ERC2: variants seen among roughly 807,000 people sequenced by gnomAD.
ERC2 encodes ELKS/RAB6-interacting/CAST family member 2.
ERC2 carries 42 observed loss-of-function variants against 114.8 expected under a neutral mutation model. That is an observed-to-expected ratio of 0.37 (90% CI 0.29 to 0.47). The LOEUF is 0.47. Ranked by LOEUF, ERC2 falls within the 20% of genes least tolerant of loss-of-function variation. The pLI is 0.99. For synonymous variants in ERC2, 454 were observed against 425.5 expected, an observed-to-expected ratio of 1.07 and a Z score of -0.82; for missense variants, 939 against 1,150.7, an observed-to-expected ratio of 0.82 and a Z score of 2.66.
intron 3 of ERC2, among the ~76,000 whole-genome samples, chr3:56,228,916 G>A (rs2050426833): frequency 6.6e-6 from 1 of 152,122 alleles, no homozygotes; most frequent in African/African-American, 2.4e-5. Context: ...ATGGGGTAGG[G>A]CAGGGAGGGG....
intron 3 of ERC2, among the ~76,000 whole-genome samples, chr3:56,276,079 C>A (rs968147336): frequency 6.6e-6 from 1 of 152,074 alleles, no homozygotes; most frequent in East Asian, 1.9e-4. Flanking sequence ...CTCCATAAAG[C>A]CTGATAGAAA....
chr3:56,166,739 C>A lies in ERC2; in HGVS notation c.1149+6707G>T, dbSNP rs145707526. On this transcript the variant is annotated intron_variant, in intron 4 of 17. Transcript: ENST00000288221. ...AATGTTAATAAGGTTTATAGTGATG[C>A]CCCACTTTCATCCCTGATATTGGTT... is the stretch of plus-strand genomic sequence containing the variant. Among the ~76,000 whole-genome samples the A allele has an allele frequency of 4.6e-5, 7 of 151,838 alleles. No individual in the cohort carries two copies. In the South Asian group the frequency reaches 1.5e-3, roughly 31 times the overall value.
chr3:55,634,375 C>T (rs1365483307), intron 17 of ERC2, among the ~76,000 whole-genome samples: 1 of 152,202 alleles, frequency 6.6e-6, no homozygotes, highest in African/African-American at 2.4e-5. Context: ...CCAGCCTGCT[C>T]TATTTCTACG....
chr3:56,013,666 T>C (rs1330928427), intron 8 of ERC2, among the ~76,000 whole-genome samples: 1 of 152,212 alleles, frequency 6.6e-6, no homozygotes, highest in Admixed American at 6.5e-5. Context: ...TATTTTTATT[T>C]CTGGGCAAAT....
chr3:56,312,986 G>A (rs1487843734), intron 2 of ERC2, among the ~76,000 whole-genome samples: 2 of 67,870 alleles, frequency 2.9e-5, no homozygotes. Flanking sequence ...TTAATATTTA[G>A]TGAATATGTA....
chr3:56,000,740 G>A (rs1411115759), intron 10 of ERC2, among the ~76,000 whole-genome samples: 1 of 151,884 alleles, frequency 6.6e-6, no homozygotes, highest in Admixed American at 6.6e-5. Context: ...AGGAACTATT[G>A]GGATCTTTAC....
At chr3:55,774,275 G>C (rs576626764) in intron 14 of ERC2, among the ~76,000 whole-genome samples, 170 of 152,302 alleles carry the variant, frequency 1.1e-3, no homozygotes, top group African/African-American at 3.6e-3. Context: ...CTCAGGCAGT[G>C]AGGCATTATG....
At chr3:55,961,463 G>T (rs1222670248) in intron 12 of ERC2, among the ~76,000 whole-genome samples, 1 of 152,090 alleles carries the variant, frequency 6.6e-6, no homozygotes, top group Non-Finnish European at 1.5e-5. Flanking sequence ...GTCTTGCCAT[G>T]AACTCACCAC....
intron 17 of ERC2, among the ~76,000 whole-genome samples, chr3:55,573,171 C>A (rs150990159): frequency 6.6e-6 from 1 of 152,172 alleles, no homozygotes; most frequent in African/African-American, 2.4e-5. Context: ...AGAAAGATGT[C>A]GGTAAGAAAT....
At chr3:56,306,489 TA>T (rs1158153914) in intron 2 of ERC2, among the ~76,000 whole-genome samples, 1 of 152,028 alleles carries the variant, frequency 6.6e-6, no homozygotes, top group Non-Finnish European at 1.5e-5. Flanking sequence ...ACGGAAGAAG[TA>T]AAAACAGAGA....
At chr3:55,820,143 G>C (rs2060067132) in intron 14 of ERC2, among the ~76,000 whole-genome samples, 1 of 152,250 alleles carries the variant, frequency 6.6e-6, no homozygotes, top group Admixed American at 6.5e-5. Context: ...TCCACGTGGG[G>C]TCTAGAAGTG....
rs557088337 is a variant in ERC2, at chr3:56,447,400, A to T, written c.-140-12253T>A. On this transcript the variant is annotated intron_variant, in intron 1 of 17. Coordinates refer to ENST00000288221, the MANE Select transcript of ERC2 (RefSeq NM_015576.3). ...ATCCCGCTCGCTCTGGGGCTGTGTAAGCCCGAAGCAGCGGGGAGGAGAGGA... is the reference window on the plus strand; with the variant it reads ...ATCCCGCTCGCTCTGGGGCTGTGTATGCCCGAAGCAGCGGGGAGGAGAGGA... 4.9e-4 allele frequency among the ~76,000 whole-genome samples: 75 copies of T among 152,344 alleles called. 2 individuals carry two copies. In the South Asian group the frequency reaches 0.015, roughly 30 times the overall value.
intron 14 of ERC2, among the ~76,000 whole-genome samples, chr3:55,883,772 C>T (rs1576010431): frequency 6.6e-6 from 1 of 151,976 alleles, no homozygotes; most frequent in African/African-American, 2.4e-5. Context: ...CCTGTAGTCC[C>T]AGCAGCTCGG....
At chr3:55,601,488 C>T (rs1406750707) in intron 17 of ERC2, among the ~76,000 whole-genome samples, 2 of 152,260 alleles carry the variant, frequency 1.3e-5, no homozygotes, top group East Asian at 1.9e-4. Context: ...TCAGCTGCTC[C>T]CTGTCATTTC....
At chr3:55,659,263 A>G (rs2231384) in intron 17 of ERC2, 116,255 of 152,054 alleles carry the variant, frequency 0.76, 45,173 homozygotes, top group East Asian at 0.93. Flanking sequence ...TCCTCAGGAC[A>G]TTCACAAATG....
chr3:56,090,000 T>C (rs960471865), intron 6 of ERC2, among the ~76,000 whole-genome samples: 2 of 152,114 alleles, frequency 1.3e-5, no homozygotes, highest in African/African-American at 4.8e-5. Context: ...TCTCTAACCA[T>C]CAGGGGCTAC....
chr3:55,923,533 A>T (rs970116212), intron 13 of ERC2, among the ~76,000 whole-genome samples: 1 of 152,168 alleles, frequency 6.6e-6, no homozygotes, highest in Non-Finnish European at 1.5e-5. Context: ...CAATAAAAAA[A>T]AAGTTGGTTC....
intron 13 of ERC2, among the ~76,000 whole-genome samples, chr3:55,901,288 G>A (rs2064122604): frequency 6.6e-6 from 1 of 152,164 alleles, no homozygotes; most frequent in African/African-American, 2.4e-5. Context: ...AAACTTGGCT[G>A]CTTATAGTTC....
intron 1 of ERC2, among the ~76,000 whole-genome samples, chr3:56,444,110 C>G (rs2062450084): frequency 6.6e-6 from 1 of 151,306 alleles, no homozygotes. Context: ...CCAAGGCGCC[C>G]ACCACCACAC....
Sources: allele counts gnomAD v4.1 joint callset (sites outside exome capture counted in the v4.1 genomes callset), GRCh38; gene constraint gnomAD v4.1.1; transcripts MANE v1.5; gene names NCBI Gene and HGNC (gene_info 2026-07-23, HGNC 2026-07-21).